The following C3orf80 variants were observed in gnomAD, a reference collection of about 807,000 sequenced individuals.
The protein encoded by C3orf80 is uncharacterized membrane protein C3orf80.
Under a neutral mutation model 15.8 loss-of-function variants are expected in C3orf80, and 10 were observed. That is an observed-to-expected ratio of 0.63 (90% CI 0.39 to 1.07). The LOEUF (loss-of-function observed/expected upper bound fraction) is 1.07, where lower values mean the gene tolerates loss of function less well. Among genes scored for constraint, C3orf80 ranks in the 50% least tolerant of loss-of-function variants. C3orf80 has a pLI of 0.01. For synonymous variants in C3orf80, 183 were observed against 192.0 expected (o/e 0.95, Z 0.39); for missense variants, 364 against 379.3 (o/e 0.96, Z 0.34).
Position 160,225,990 on chromosome 3 carries a change from C to A in C3orf80, c.355C>A (p.Arg119=), listed in dbSNP as rs1219336128. Residue 119 remains arginine, a synonymous_variant, in exon 1 of 1, where the codon CGG becomes AGG. Transcript: ENST00000326474. The surrounding 1 kb of genome is among the most constrained non-coding windows in gnomAD (Gnocchi z 5.6). ...YPRGQARPGQ[R]PGPPGGAGPL... is the part of the protein sequence containing the mutation. ...GCGCGGCCAGGCGCGCCCGGGACAG[C>A]GGCCCGGGCCTCCGGGGGGCGCCGG... 3.0e-6 allele frequency: 4 copies of A among 1,327,378 alleles called. No individual in the cohort carries two copies. Among genetic ancestry groups the A allele is most frequent in the Non-Finnish European group, 3.8e-6 (4 of 1,042,494 alleles). The allele number at this position is 1,327,378 out of a possible 1,614,324, so 82.2% of individuals were successfully genotyped here.
In C3orf80 at chr3:160,227,158, T is replaced by C. The variant is rs551784002; in HGVS notation, c.*779T>C. On this transcript the variant is annotated 3_prime_UTR_variant, in exon 1 of 1. Transcript: ENST00000326474. ...TATTTGTCTTTTATTCTAATATTTT[T>C]ACCATGCATTGAACGCAACAGGAGG... is the stretch of plus-strand genomic sequence containing the variant. 4.6e-5 allele frequency: 7 copies of C among 152,316 alleles called. No individual in the cohort carries two copies. The highest frequency in any genetic ancestry group is 1.7e-4 in the African/African-American group (7 of 41,562). 9.4% of individuals were successfully genotyped at this position (152,316 alleles called of 1,614,324 possible). A position where few individuals can be genotyped will look rare whatever the true frequency, so the allele number is the denominator to read the frequency against.
Position 160,226,227 on chromosome 3 carries a change from G to A in C3orf80, c.592G>A (p.Glu198Lys). The A allele has an allele frequency of 6.5e-7, 1 of 1,531,598 alleles. No individual in the cohort carries two copies. The allele number at this position is 1,531,598 out of a possible 1,614,324, so 94.9% of individuals were successfully genotyped here. ...CTTCCTGCAGCTGCCCAGCTACGAGGAGGTCAAGTATCTGCCCACCTACGA... is the reference window on the plus strand; with the variant it reads ...CTTCCTGCAGCTGCCCAGCTACGAGAAGGTCAAGTATCTGCCCACCTACGA... ...PVFLQLPSYEEVKYLPTYEES... is the reference protein window; with the variant it reads ...PVFLQLPSYEKVKYLPTYEES... The change falls in exon 1 of 1, where the codon GAG becomes AAG. Residue 198 changes from glutamate (E) to lysine (K), a missense_variant. By Grantham distance (56) the Glu-to-Lys change is moderately conservative. Transcript: ENST00000326474. The surrounding 1 kb of genome is among the most constrained non-coding windows in gnomAD (Gnocchi z 5.2).
In C3orf80 at chr3:160,226,422, G is replaced by A. The variant is rs985701099; in HGVS notation, c.*43G>A. 7.2e-6 allele frequency: 10 copies of A among 1,381,750 alleles called. No homozygotes were observed. The African/African-American group carries it at 1.1e-4, about 15-fold the overall frequency. 85.6% of individuals were successfully genotyped at this position (1,381,750 alleles called of 1,614,324 possible). Reference sequence around the variant, plus strand: ...GCTGGTGCAGGGCTGGGGGCTGCGGGTGGCAAGCAACGGCCGGGGTGCCGC... The same window carrying A: ...GCTGGTGCAGGGCTGGGGGCTGCGGATGGCAAGCAACGGCCGGGGTGCCGC... On this transcript the variant is annotated 3_prime_UTR_variant, in exon 1 of 1. Transcript: ENST00000326474. The surrounding 1 kb of genome is among the most constrained non-coding windows in gnomAD (Gnocchi z 5.2).
chr3:160,226,119 G>A lies in C3orf80; in HGVS notation c.484G>A (p.Gly162Ser). The A allele has an allele frequency of 6.6e-7, 1 of 1,517,856 alleles. No homozygotes were observed. Among genetic ancestry groups the A allele is most frequent in the Non-Finnish European group, 8.8e-7 (1 of 1,139,390 alleles). The allele number at this position is 1,517,856 out of a possible 1,614,324, so 94.0% of individuals were successfully genotyped here. A position where few individuals can be genotyped will look rare whatever the true frequency, so the allele number is the denominator to read the frequency against. Residue 162 changes from glycine (G) to serine (S), a missense_variant, in exon 1 of 1, where the codon GGC becomes AGC. Physicochemically the swap from Gly to Ser is moderately conservative, Grantham distance 56. Transcript: ENST00000326474. The surrounding 1 kb of genome is among the most constrained non-coding windows in gnomAD (Gnocchi z 5.2). ...TCAGGACTCACTGCTGGACAGTGGC[G>A]GCGGCGGCCGGGGCCGGGGAGGCGG... ...GSQDSLLDSGGGGRGRGGGGR... is the reference protein window; with the variant it reads ...GSQDSLLDSGSGGRGRGGGGR...
chr3:160,227,665 A>G lies in C3orf80; in HGVS notation c.*1286A>G, dbSNP rs1292775398. ...GTGCAGTAATGTGCTACAGGATTCA[A>G]TCAGCTTCTCTTAAGAAACAAGTGT... On this transcript the variant is annotated 3_prime_UTR_variant, in exon 1 of 1. Transcript: ENST00000326474. 1 of 152,240 alleles carries G rather than the reference A, an allele frequency of 6.6e-6. No individual in the cohort carries two copies. Among genetic ancestry groups the G allele is most frequent in the Non-Finnish European group, 1.5e-5 (1 of 68,034 alleles). 9.4% of individuals were successfully genotyped at this position (152,240 alleles called of 1,614,324 possible).
At position 160,226,282 on chromosome 3, in the gene C3orf80, C is replaced by G. The variant is rs1347982232; in HGVS notation, c.647C>G (p.Pro216Arg). The G allele has an allele frequency of 2.0e-6, 3 of 1,519,454 alleles. No individual in the cohort carries two copies. The Admixed American group carries it at 6.0e-5, about 31-fold the overall frequency. The allele number at this position is 1,519,454 out of a possible 1,614,324, so 94.1% of individuals were successfully genotyped here. A position where few individuals can be genotyped will look rare whatever the true frequency, so the allele number is the denominator to read the frequency against. ...EESMRLQQLS[P>R]GEVVLPVSVL... ...TCCATGCGGCTGCAGCAGCTCAGCC[C>G]CGGGGAGGTCGTGCTGCCAGTGTCG... Residue 216 changes from proline (P) to arginine (R), a missense_variant, in exon 1 of 1, where the codon CCC (proline) becomes CGC (arginine). Physicochemically the swap from Pro to Arg is moderately radical, Grantham distance 103. Transcript: ENST00000326474. This position sits in a 1 kb window ranked among gnomAD's most constrained non-coding sequence, Gnocchi z 5.2.
rs1404337784 is a variant in C3orf80, at chr3:160,227,759, C to T, written c.*1380C>T. The T allele has an allele frequency of 6.6e-6, 1 of 152,252 alleles. No individual in the cohort carries two copies. The highest frequency in any genetic ancestry group is 1.9e-4 in the East Asian group (1 of 5,194). 9.4% of individuals were successfully genotyped at this position (152,252 alleles called of 1,614,324 possible). On this transcript the variant is annotated 3_prime_UTR_variant, in exon 1 of 1. Coordinates refer to ENST00000326474, the MANE Select transcript of C3orf80 (RefSeq NM_001168214.2). ...AAAGATAATATAACATATTTTAATA[C>T]ATTGTGTGTAATGTACATATGCATA...
Position 160,228,117 on chromosome 3 carries a change from A to C in C3orf80, c.*1738A>C, listed in dbSNP as rs1711525012. On this transcript the variant is annotated 3_prime_UTR_variant, in exon 1 of 1. Coordinates refer to ENST00000326474, the MANE Select transcript of C3orf80 (RefSeq NM_001168214.2). ...GTAATAAAAAAATGGTTTACTTTAA[A>C]CTTCTAAAAACTAATGACCTTGTGA... The C allele has an allele frequency of 6.6e-6, 1 of 152,176 alleles. No homozygotes were observed. The highest frequency in any genetic ancestry group is 1.5e-5 in the Non-Finnish European group (1 of 68,000). The allele number at this position is 152,176 out of a possible 1,614,324, so 9.4% of individuals were successfully genotyped here.
In C3orf80 at chr3:160,225,809, C is replaced by A; in HGVS notation, c.174C>A (p.Ala58=). 1 of 1,476,622 alleles carries A rather than the reference C, an allele frequency of 6.8e-7. No individual in the cohort carries two copies. The highest frequency in any genetic ancestry group is 8.9e-7 in the Non-Finnish European group (1 of 1,118,654). The allele number at this position is 1,476,622 out of a possible 1,614,324, so 91.5% of individuals were successfully genotyped here. A position where few individuals can be genotyped will look rare whatever the true frequency, so the allele number is the denominator to read the frequency against. The change falls in exon 1 of 1, where the codon GCC becomes GCA. Residue 58 remains alanine, a synonymous_variant. Transcript: ENST00000326474. This position sits in a 1 kb window ranked among gnomAD's most constrained non-coding sequence, Gnocchi z 5.6. ...ERERCCDATN[A]TAVRCCKLPL... ...AGCGCTGCTGCGACGCGACCAACGC[C>A]ACGGCGGTGCGCTGCTGCAAGCTGC...
At position 160,226,434 on chromosome 3, in the gene C3orf80, G is replaced by T; in HGVS notation, c.*55G>T. 7.2e-7 allele frequency: 1 copy of T among 1,380,630 alleles called. No homozygotes were observed. Among genetic ancestry groups the T allele is most frequent in the Non-Finnish European group, 9.3e-7 (1 of 1,073,234 alleles). The allele number at this position is 1,380,630 out of a possible 1,614,324, so 85.5% of individuals were successfully genotyped here. On this transcript the variant is annotated 3_prime_UTR_variant, in exon 1 of 1. Coordinates refer to ENST00000326474, the MANE Select transcript of C3orf80 (RefSeq NM_001168214.2). The surrounding 1 kb of genome is among the most constrained non-coding windows in gnomAD (Gnocchi z 5.2). ...CTGGGGGCTGCGGGTGGCAAGCAAC[G>T]GCCGGGGTGCCGCCGCCAACTGCCT... is the stretch of plus-strand genomic sequence containing the variant.
At position 160,226,039 on chromosome 3, in the gene C3orf80, C is replaced by CCGA. The variant is rs747328781; in HGVS notation, c.418_420dup (p.Asp140dup). On this transcript the variant is annotated inframe_insertion, in exon 1 of 1. Coordinates refer to ENST00000326474, the MANE Select transcript of C3orf80 (RefSeq NM_001168214.2). This position sits in a 1 kb window ranked among gnomAD's most constrained non-coding sequence, Gnocchi z 5.2. ...GGACCGCTGGGGGGCGCGGGGCCGC[C>CCGA]CGACGACGACGACGACTCGCCCGCT... The CCGA allele has an allele frequency of 1.7e-5, 24 of 1,391,784 alleles. No homozygotes were observed. Among genetic ancestry groups the CCGA allele is most frequent in the South Asian group, 4.9e-5 (3 of 61,366 alleles). 86.2% of individuals were successfully genotyped at this position (1,391,784 alleles called of 1,614,324 possible).
rs905255714 is a variant in C3orf80, at chr3:160,225,635, C to T, written c.-1C>T. The T allele has an allele frequency of 3.9e-5, 53 of 1,362,176 alleles. No individual in the cohort carries two copies. Among genetic ancestry groups the T allele is most frequent in the Non-Finnish European group, 4.7e-5 (50 of 1,064,212 alleles). The allele number at this position is 1,362,176 out of a possible 1,614,324, so 84.4% of individuals were successfully genotyped here. On this transcript the variant is annotated 5_prime_UTR_variant, in exon 1 of 1. Transcript: ENST00000326474. This position sits in a 1 kb window ranked among gnomAD's most constrained non-coding sequence, Gnocchi z 5.6. ...GACGTTAGCCGAGGTCTGCGCGGGC[C>T]ATGTGGGGACCCGGGGTCACTGCTG...
Position 160,226,734 on chromosome 3 carries a change from C to G in C3orf80, c.*355C>G, listed in dbSNP as rs763344923. The G allele has an allele frequency of 8.9e-6, 2 of 224,984 alleles. No homozygotes were observed. The highest frequency in any genetic ancestry group is 8.9e-5 in the East Asian group (1 of 11,216). 13.9% of individuals were successfully genotyped at this position (224,984 alleles called of 1,614,324 possible). Reference sequence around the variant, plus strand: ...AGAACACGTGAGCCCTTTGGTGCGTCGAGAGAAGGGCGGTCTTCTTTAGGG... The same window carrying G: ...AGAACACGTGAGCCCTTTGGTGCGTGGAGAGAAGGGCGGTCTTCTTTAGGG... On this transcript the variant is annotated 3_prime_UTR_variant, in exon 1 of 1. Transcript: ENST00000326474. This position sits in a 1 kb window ranked among gnomAD's most constrained non-coding sequence, Gnocchi z 5.2.
In C3orf80 at chr3:160,225,641, G is replaced by T; in HGVS notation, c.6G>T (p.Trp2Cys). 1 of 1,367,460 alleles carries T rather than the reference G, an allele frequency of 7.3e-7. No individual in the cohort carries two copies. The highest frequency in any genetic ancestry group is 1.8e-5 in the South Asian group (1 of 55,920). The allele number at this position is 1,367,460 out of a possible 1,614,324, so 84.7% of individuals were successfully genotyped here. A position where few individuals can be genotyped will look rare whatever the true frequency, so the allele number is the denominator to read the frequency against. M[W>C]GPGVTAEGLS... ...AGCCGAGGTCTGCGCGGGCCATGTGGGGACCCGGGGTCACTGCTGAGGGCC... is the reference window on the plus strand; with the variant it reads ...AGCCGAGGTCTGCGCGGGCCATGTGTGGACCCGGGGTCACTGCTGAGGGCC... The change falls in exon 1 of 1, where the codon TGG becomes TGT. Residue 2 changes from tryptophan to cysteine, a missense_variant. By Grantham distance (215) the Trp-to-Cys change is radical. Coordinates refer to ENST00000326474, the MANE Select transcript of C3orf80 (RefSeq NM_001168214.2). The surrounding 1 kb of genome is among the most constrained non-coding windows in gnomAD (Gnocchi z 5.6).
Position 160,225,768 on chromosome 3 carries a change from G to A in C3orf80, c.133G>A (p.Ala45Thr). 1.4e-6 allele frequency: 2 copies of A among 1,447,404 alleles called. No homozygotes were observed. The highest frequency in any genetic ancestry group is 9.1e-7 in the Non-Finnish European group (1 of 1,103,996). 89.7% of individuals were successfully genotyped at this position (1,447,404 alleles called of 1,614,324 possible). A position where few individuals can be genotyped will look rare whatever the true frequency, so the allele number is the denominator to read the frequency against. ...SRGGGGCAEL[A>T]CGERERCCDA... is the part of the protein sequence containing the mutation. ...GGGCGGCGGGGGCTGCGCTGAGCTG[G>A]CGTGCGGCGAGCGGGAGCGCTGCTG... The change falls in exon 1 of 1, where the codon GCG becomes ACG. Residue 45 changes from alanine to threonine, a missense_variant. Coordinates refer to ENST00000326474, the MANE Select transcript of C3orf80 (RefSeq NM_001168214.2). This position sits in a 1 kb window ranked among gnomAD's most constrained non-coding sequence, Gnocchi z 5.6.
rs1048548232 is a variant in C3orf80, at chr3:160,227,110, A to G, written c.*731A>G. 10 of 152,212 alleles carry G rather than the reference A, an allele frequency of 6.6e-5. No individual in the cohort carries two copies. Among genetic ancestry groups the G allele is most frequent in the African/African-American group, 2.2e-4 (9 of 41,450 alleles). 9.4% of individuals were successfully genotyped at this position (152,212 alleles called of 1,614,324 possible). A position where few individuals can be genotyped will look rare whatever the true frequency, so the allele number is the denominator to read the frequency against. On this transcript the variant is annotated 3_prime_UTR_variant, in exon 1 of 1. Coordinates refer to ENST00000326474, the MANE Select transcript of C3orf80 (RefSeq NM_001168214.2). ...ATTCGGCTGGACTTTTGATTGTTCA[A>G]TAACTGAGGAGGTATTTATATTTAT...
At position 160,227,315 on chromosome 3, in the gene C3orf80, A is replaced by C. The variant is rs1458677887; in HGVS notation, c.*936A>C. Reference sequence around the variant, plus strand: ...AATTATTTCATTAAAAAAGAAAAACAGGTATGGTCAAACGAGGAAGCATAT... The same window carrying C: ...AATTATTTCATTAAAAAAGAAAAACCGGTATGGTCAAACGAGGAAGCATAT... On this transcript the variant is annotated 3_prime_UTR_variant, in exon 1 of 1. Coordinates refer to ENST00000326474, the MANE Select transcript of C3orf80 (RefSeq NM_001168214.2). 14 of 152,320 alleles carry C rather than the reference A, an allele frequency of 9.2e-5. 1 individual carries two copies. The highest frequency in any genetic ancestry group is 3.4e-4 in the African/African-American group (14 of 41,568). 9.4% of individuals were successfully genotyped at this position (152,320 alleles called of 1,614,324 possible).
chr3:160,226,367 C>G lies in C3orf80; in HGVS notation c.732C>G (p.Tyr244Ter). The change falls in exon 1 of 1, where the codon TAC (tyrosine) becomes TAG (stop). Residue 244 changes from tyrosine (Y) to a stop codon, truncating the protein, a stop_gained. Coordinates refer to ENST00000326474, the MANE Select transcript of C3orf80 (RefSeq NM_001168214.2). LOFTEE classifies it high-confidence loss of function. The surrounding 1 kb of genome is among the most constrained non-coding windows in gnomAD (Gnocchi z 5.2). ...AGCCCGACGGCGGCGAGGGCCGCTA[C>G]CCTCTTATCTGAGCGCTCGGGGATC... ...AAEPDGGEGR[Y>*]PLI 6.8e-7 allele frequency: 1 copy of G among 1,466,198 alleles called. No individual in the cohort carries two copies. Among genetic ancestry groups the G allele is most frequent in the Non-Finnish European group, 9.0e-7 (1 of 1,113,524 alleles). 90.8% of individuals were successfully genotyped at this position (1,466,198 alleles called of 1,614,324 possible).
Position 160,228,169 on chromosome 3 carries a change from TA to T in C3orf80, c.*1796del, listed in dbSNP as rs1441684360. On this transcript the variant is annotated 3_prime_UTR_variant, in exon 1 of 1. Coordinates refer to ENST00000326474, the MANE Select transcript of C3orf80 (RefSeq NM_001168214.2). ...TAAAGAAAAATCATTTGAAGTGTATTAAAAAATAGCAAAACATTAAAATCTT... is the reference window on the plus strand; with the variant it reads ...TAAAGAAAAATCATTTGAAGTGTATTAAAAATAGCAAAACATTAAAATCTT... 1 of 152,104 alleles carries T rather than the reference TA, an allele frequency of 6.6e-6. No individual in the cohort carries two copies. Among genetic ancestry groups the T allele is most frequent in the African/African-American group, 2.4e-5 (1 of 41,434 alleles). 9.4% of individuals were successfully genotyped at this position (152,104 alleles called of 1,614,324 possible). A position where few individuals can be genotyped will look rare whatever the true frequency, so the allele number is the denominator to read the frequency against.
Sources: gnomAD v4.1 joint callset for allele counts on GRCh38, gnomAD v4.1.1 for gene constraint, Gnocchi (gnomAD v3.1) non-coding constraint, MANE v1.5 for transcripts, NCBI Gene and HGNC (gene_info 2026-07-23, HGNC 2026-07-21) for gene names.